The following SGCD variants were observed in gnomAD, a reference collection of about 807,000 sequenced individuals.
SGCD encodes the protein sarcoglycan delta, also known as delta-sarcoglycan.
SGCD carries 18 observed loss-of-function variants against 36.6 expected under a neutral mutation model. The ratio of observed to expected loss-of-function variants is 0.49; its 90% CI spans 0.34 to 0.73. The LOEUF is 0.73. SGCD is among the 30% of genes least tolerant of loss of function. The pLI, the probability that SGCD is intolerant of heterozygous loss-of-function variation, is 0.01. For missense variants in SGCD, 387 were observed against 346.7 expected (o/e 1.12, Z -0.92); for synonymous variants, 133 against 130.6 (o/e 1.02, Z -0.12).
At chr5:156,233,058 A>T (rs1009082273) in intron 3 of SGCD, among the ~76,000 whole-genome samples, 1 of 152,208 alleles carries the variant, frequency 6.6e-6, no homozygotes, top group African/African-American at 2.4e-5. Flanking sequence ...ATATGTATAT[A>T]TTCTTGACAA....
chr5:156,361,432 C>T (rs1769790306), intron 3 of SGCD, among the ~76,000 whole-genome samples: 1 of 152,210 alleles, frequency 6.6e-6, no homozygotes, highest in Non-Finnish European at 1.5e-5. Context: ...TCTGACCCTT[C>T]CTTTACTCAT....
chr5:156,167,492 T>A (rs1371270365), intron 3 of SGCD, among the ~76,000 whole-genome samples: 1 of 152,086 alleles, frequency 6.6e-6, no homozygotes, highest in East Asian at 1.9e-4. Flanking sequence ...CCCCTCCAAA[T>A]CTCATGTTGA....
At chr5:156,651,096 C>T (rs1437487414) in intron 7 of SGCD, among the ~76,000 whole-genome samples, 4 of 152,024 alleles carry the variant, frequency 2.6e-5, no homozygotes, top group African/African-American at 9.7e-5. Context: ...ATGTGTATGC[C>T]TTCTTTTGAG....
chr5:155,939,657 A>AAT (rs1554105769), intron 1 of SGCD, among the ~76,000 whole-genome samples: 19 of 150,200 alleles, frequency 1.3e-4, no homozygotes, highest in East Asian at 7.8e-4. Context: ...AAAAAAAAAA[A>AAT]AATAATAATA....
At chr5:155,747,505 G>T in the SGCD span, among the ~76,000 whole-genome samples, 1 of 152,144 alleles carries the variant, frequency 6.6e-6, no homozygotes, top group African/African-American at 2.4e-5. Context: ...CAGTCTTTTT[G>T]TTGGAGGATA....
the SGCD span, among the ~76,000 whole-genome samples, chr5:155,737,024 G>A: frequency 3.9e-5 from 6 of 152,322 alleles, no homozygotes; most frequent in South Asian, 1.0e-3. Context: ...TTTAGAGAAC[G>A]CACAGCAAGC....
chr5:155,997,637 G>A (rs1255370738), intron 1 of SGCD, among the ~76,000 whole-genome samples: 9 of 152,354 alleles, frequency 5.9e-5, no homozygotes, highest in Admixed American at 3.3e-4. Flanking sequence ...CAGCCCCACA[G>A]GCAATTGTAT....
intron 3 of SGCD, among the ~76,000 whole-genome samples, chr5:156,468,849 AGGCGTGAT>A (rs1412396965): frequency 1.3e-5 from 2 of 152,150 alleles, no homozygotes; most frequent in African/African-American, 4.8e-5. Flanking sequence ...AAAACTAGCC[AGGCGTGAT>A]GGCACATGCC....
intron 1 of SGCD, among the ~76,000 whole-genome samples, chr5:155,901,732 CT>C (rs1405554252): frequency 1.3e-5 from 2 of 152,176 alleles, no homozygotes; most frequent in African/African-American, 4.8e-5. Context: ...GTAGATGAAT[CT>C]TTTAGAACAT....
chr5:156,389,562 A>T (rs1005934851), intron 3 of SGCD, among the ~76,000 whole-genome samples: 4 of 152,108 alleles, frequency 2.6e-5, no homozygotes, highest in Non-Finnish European at 4.4e-5. Context: ...CCAGGGCAGG[A>T]GGCAGGGGAG....
chr5:156,283,595 G>C (rs1766515073), intron 3 of SGCD, among the ~76,000 whole-genome samples: 1 of 152,130 alleles, frequency 6.6e-6, no homozygotes, highest in African/African-American at 2.4e-5. Context: ...GCATTGCCCA[G>C]TGCATTCTTC....
chr5:156,288,753 G>A (rs1766681771), intron 3 of SGCD, among the ~76,000 whole-genome samples: 1 of 151,864 alleles, frequency 6.6e-6, no homozygotes, highest in Non-Finnish European at 1.5e-5. Flanking sequence ...TCCAGCATTT[G>A]TTCCAAGTAA....
intron 4 of SGCD, among the ~76,000 whole-genome samples, chr5:156,572,299 G>A (rs143355153): frequency 0.012 from 1,813 of 152,192 alleles, 38 homozygotes; most frequent in African/African-American, 0.041. Context: ...GGAATTCCAC[G>A]CTTAACTTAT....
intron 6 of SGCD, among the ~76,000 whole-genome samples, chr5:156,625,234 G>T (rs1762397947): frequency 6.6e-6 from 1 of 151,946 alleles, no homozygotes; most frequent in African/African-American, 2.4e-5. Context: ...TCTTGTCATG[G>T]GTGCCTTTGT....
chr5:156,279,319 T>C (rs191012460), intron 3 of SGCD, among the ~76,000 whole-genome samples: 89 of 152,312 alleles, frequency 5.8e-4, no homozygotes, highest in Admixed American at 1.4e-3. Flanking sequence ...CTGTAGACTA[T>C]GAACAAAAAT....
intron 4 of SGCD, among the ~76,000 whole-genome samples, chr5:156,565,710 C>A (rs1021266993): frequency 6.6e-6 from 1 of 152,046 alleles, no homozygotes; most frequent in Non-Finnish European, 1.5e-5. Flanking sequence ...CCCCACCCAC[C>A]GACAGGACCC....
chr5:156,320,644 A>C (rs548548025), intron 3 of SGCD, among the ~76,000 whole-genome samples: 1 of 152,376 alleles, frequency 6.6e-6, no homozygotes, highest in East Asian at 1.9e-4. Flanking sequence ...CAAATGTATG[A>C]GTTCCTTCTG....
intron 1 of SGCD, among the ~76,000 whole-genome samples, chr5:155,943,427 A>G (rs1757373851): frequency 6.6e-6 from 1 of 152,136 alleles, no homozygotes. Flanking sequence ...TTCTTCATGT[A>G]TTTATTTAAA....
At chr5:156,749,483 C>T (rs1757069526) in intron 7 of SGCD, among the ~76,000 whole-genome samples, 1 of 151,722 alleles carries the variant, frequency 6.6e-6, no homozygotes, top group Non-Finnish European at 1.5e-5. Flanking sequence ...CTTGAAAGGA[C>T]TAATAATAAA....
Sources: allele counts gnomAD v4.1 joint callset (sites outside exome capture counted in the v4.1 genomes callset), GRCh38; gene constraint gnomAD v4.1.1; transcripts MANE v1.5; gene names NCBI Gene and HGNC (gene_info 2026-07-23, HGNC 2026-07-21).